Variants in EXOC4 observed in about 807,000 individuals in gnomAD.
The protein encoded by EXOC4 is SEC8-like 1.
Under a neutral mutation model 107.2 loss-of-function variants are expected in EXOC4, and 71 were observed. That is an observed-to-expected ratio of 0.66 (90% CI 0.55 to 0.81). The LOEUF is 0.81. Among genes scored for constraint, EXOC4 ranks in the 30% least tolerant of loss-of-function variants. The pLI is 0.00. For synonymous variants in EXOC4, 456 were observed against 441.2 expected, an observed-to-expected ratio of 1.03 and a Z score of -0.42; for missense variants, 1,108 against 1,189.6, an observed-to-expected ratio of 0.93 and a Z score of 1.01.
intron 14 of EXOC4, 67 bp downstream of exon 14, chr7:133,938,136 G>T: frequency 6.6e-7 from 1 of 1,523,028 alleles, no homozygotes; most frequent in Non-Finnish European, 9.1e-7. Flanking sequence ...TTCATTGAAA[G>T]ATGAGAGTGT....
intron 9 of EXOC4, among the ~76,000 whole-genome samples, chr7:133,588,930 G>C (rs9690632): frequency 6.6e-6 from 1 of 151,466 alleles, no homozygotes; most frequent in Non-Finnish European, 1.5e-5. Flanking sequence ...GTGTGTATAT[G>C]TGTGTGTGTA....
Position 133,939,323 on chromosome 7 carries a change from G to A in EXOC4, c.2206+1254G>A, listed in dbSNP as rs73440825. Among the ~76,000 whole-genome samples, 493 of 152,076 alleles carry A rather than the reference G, an allele frequency of 3.2e-3. 5 individuals carry two copies. The highest frequency in any genetic ancestry group is 0.011 in the African/African-American group (475 of 41,476). ...ATTAAATTCACAGAGTAAATTATTC[G>A]CTTATCCTCTAAGAGTCTAAGGAAC... On this transcript the variant is annotated intron_variant, in intron 14 of 17. Transcript: ENST00000253861.
chr7:133,451,307 A>G (rs955723681), intron 7 of EXOC4, among the ~76,000 whole-genome samples: 1 of 151,888 alleles, frequency 6.6e-6, no homozygotes, highest in African/African-American at 2.4e-5. Flanking sequence ...GACAAATATC[A>G]TTTTAATTTG....
At chr7:133,744,331 C>T (rs574275475) in intron 10 of EXOC4, among the ~76,000 whole-genome samples, 1 of 152,128 alleles carries the variant, frequency 6.6e-6, no homozygotes, top group African/African-American at 2.4e-5. Context: ...TCCCCTCCTT[C>T]CCTCCTAAGT....
At chr7:133,316,629 A>G (rs542697768) in intron 4 of EXOC4, among the ~76,000 whole-genome samples, 21 of 152,186 alleles carry the variant, frequency 1.4e-4, no homozygotes, top group Non-Finnish European at 2.4e-4. Context: ...TTATGCGTTT[A>G]TTTAAAGTTT....
At chr7:133,663,781 A>C (rs1794699314) in intron 10 of EXOC4, among the ~76,000 whole-genome samples, 1 of 152,108 alleles carries the variant, frequency 6.6e-6, no homozygotes, top group Admixed American at 6.6e-5. Context: ...AGGCTTCCTA[A>C]TGGTCTTATA....
At chr7:133,990,273 C>T (rs1053813826) in intron 14 of EXOC4, among the ~76,000 whole-genome samples, 1 of 145,232 alleles carries the variant, frequency 6.9e-6, no homozygotes, top group South Asian at 2.3e-4. Context: ...TCCCCTCCCC[C>T]CCCCACCCCT....
chr7:133,729,326 G>A (rs546335896), intron 10 of EXOC4, among the ~76,000 whole-genome samples: 20 of 152,190 alleles, frequency 1.3e-4, no homozygotes, highest in Admixed American at 3.9e-4. Flanking sequence ...ATTTTTTTGA[G>A]AAGACAGTAA....
chr7:133,641,322 G>T (rs1280412278), intron 10 of EXOC4, among the ~76,000 whole-genome samples: 1 of 152,080 alleles, frequency 6.6e-6, no homozygotes, highest in East Asian at 1.9e-4. Context: ...AATGTATAAG[G>T]CAAATTGGAT....
intron 14 of EXOC4, among the ~76,000 whole-genome samples, chr7:133,941,240 G>A (rs187668884): frequency 1.5e-4 from 23 of 151,806 alleles, no homozygotes; most frequent in African/African-American, 4.8e-4. Flanking sequence ...CTCGTGATCC[G>A]CCCGCCTCGG....
intron 9 of EXOC4, among the ~76,000 whole-genome samples, chr7:133,535,942 C>A (rs1474537008): frequency 6.6e-6 from 1 of 152,152 alleles, no homozygotes; most frequent in East Asian, 1.9e-4. Context: ...ACATTTGTTT[C>A]TTTTGTCTTT....
intron 17 of EXOC4, among the ~76,000 whole-genome samples, chr7:134,010,901 T>G (rs1260459461): frequency 6.6e-6 from 1 of 152,194 alleles, no homozygotes; most frequent in Admixed American, 6.5e-5. Context: ...ATTGTTATCT[T>G]GTCTCTCTCT....
intron 9 of EXOC4, among the ~76,000 whole-genome samples, chr7:133,539,595 G>C: frequency 6.8e-6 from 1 of 147,638 alleles, no homozygotes; most frequent in East Asian, 2.0e-4. Context: ...CTGTGGGGTG[G>C]GGGGGTATAT....
chr7:133,914,777 A>T (rs1303536562), intron 12 of EXOC4, among the ~76,000 whole-genome samples: 1 of 152,242 alleles, frequency 6.6e-6, no homozygotes, highest in Non-Finnish European at 1.5e-5. Flanking sequence ...GATAAGTTCC[A>T]TTGAAGTAGA....
intron 7 of EXOC4, among the ~76,000 whole-genome samples, chr7:133,409,863 C>T (rs1797317302): frequency 6.6e-6 from 1 of 152,118 alleles, no homozygotes; most frequent in Admixed American, 6.6e-5. Context: ...ATTACTAGAT[C>T]TTTCTTATAA....
intron 11 of EXOC4, among the ~76,000 whole-genome samples, chr7:133,833,417 C>T (rs1797852799): frequency 6.6e-6 from 1 of 152,132 alleles, no homozygotes; most frequent in South Asian, 2.1e-4. Flanking sequence ...GGAGCTAAAC[C>T]CGAAGGAGTG....
At chr7:133,489,651 T>C (rs1214491726) in intron 9 of EXOC4, among the ~76,000 whole-genome samples, 4 of 152,228 alleles carry the variant, frequency 2.6e-5, no homozygotes, top group Admixed American at 6.5e-5. Flanking sequence ...TACTTTTGTT[T>C]CCTGTGTTAA....
At chr7:133,758,571 A>C (rs1795966403) in intron 10 of EXOC4, among the ~76,000 whole-genome samples, 1 of 152,244 alleles carries the variant, frequency 6.6e-6, no homozygotes, top group Non-Finnish European at 1.5e-5. Context: ...GCAGATATAC[A>C]AATCAACAGG....
chr7:133,896,175 A>T (rs1355742079), intron 12 of EXOC4, among the ~76,000 whole-genome samples: 1 of 152,168 alleles, frequency 6.6e-6, no homozygotes, highest in East Asian at 1.9e-4. Flanking sequence ...TACTGTCACA[A>T]AAGAACAGTT....
Sources: allele counts gnomAD v4.1 joint callset (sites outside exome capture counted in the v4.1 genomes callset), GRCh38; gene constraint gnomAD v4.1.1; transcripts MANE v1.5; gene names NCBI Gene and HGNC (gene_info 2026-07-23, HGNC 2026-07-21).